The following PTPRD variants were observed in gnomAD, a reference collection of about 807,000 sequenced individuals.
PTPRD encodes receptor-type tyrosine-protein phosphatase delta.
Under a neutral mutation model 214.5 loss-of-function variants are expected in PTPRD, and 34 were observed. The observed-to-expected ratio is 0.16, with a 90% CI of 0.12 to 0.21. PTPRD has a LOEUF of 0.21. Ranked by LOEUF, PTPRD falls within the 10% of genes least tolerant of loss-of-function variation. The pLI is 1.00. For missense variants in PTPRD, 2,545 were observed against 2,398.7 expected, an observed-to-expected ratio of 1.06 and a Z score of -1.27; for synonymous variants, 1,128 against 845.7, an observed-to-expected ratio of 1.33 and a Z score of -5.79.
At chr9:9,448,099 G>C (rs1050152299) in intron 8 of PTPRD, among the ~76,000 whole-genome samples, 1 of 152,038 alleles carries the variant, frequency 6.6e-6, no homozygotes, top group Non-Finnish European at 1.5e-5. Context: ...AAGAAAGGAA[G>C]GGTATGAAGA....
intron 11 of PTPRD, among the ~76,000 whole-genome samples, chr9:8,980,891 A>G (rs1336873828): frequency 6.6e-6 from 1 of 152,104 alleles, no homozygotes; most frequent in Non-Finnish European, 1.5e-5. Flanking sequence ...CGGATAACAT[A>G]TGCATTTTTT....
At chr9:9,593,476 T>G (rs1180613101) in intron 7 of PTPRD, among the ~76,000 whole-genome samples, 3 of 151,978 alleles carry the variant, frequency 2.0e-5, no homozygotes, top group Non-Finnish European at 4.4e-5. Flanking sequence ...TTTTATAGCC[T>G]ATAGAAGACA....
rs2045567567 is a variant in PTPRD, at chr9:9,338,686, T to C, written c.-203+58763A>G. Among the ~76,000 whole-genome samples the C allele has an allele frequency of 2.6e-5, 4 of 152,286 alleles. No homozygotes were observed. The South Asian group carries it at 8.3e-4, about 32-fold the overall frequency. ...TCAATATTTGTTTTCAAAACTTCCT[T>C]TTTTCCAATTTCTTTTCTATTATAC... On this transcript the variant is annotated intron_variant, in intron 9 of 45. Coordinates refer to ENST00000381196, the MANE Select transcript of PTPRD (RefSeq NM_002839.4).
At chr9:9,645,141 C>G (rs530563696) in intron 7 of PTPRD, among the ~76,000 whole-genome samples, 1 of 152,226 alleles carries the variant, frequency 6.6e-6, no homozygotes, top group South Asian at 2.1e-4. Flanking sequence ...GGCTCCTGCA[C>G]CTGCTCACCT....
At chr9:8,951,330 T>TA (rs2099101061) in intron 11 of PTPRD, among the ~76,000 whole-genome samples, 1 of 150,258 alleles carries the variant, frequency 6.7e-6, no homozygotes, top group African/African-American at 2.5e-5. Context: ...CTTTTTTTTT[T>TA]TTTTTTTTCA....
At chr9:8,559,264 A>G (rs2085206058) in intron 14 of PTPRD, among the ~76,000 whole-genome samples, 1 of 152,208 alleles carries the variant, frequency 6.6e-6, no homozygotes, top group Non-Finnish European at 1.5e-5. Context: ...ATGAACTATA[A>G]TGGTCCCAAC....
chr9:8,656,972 A>G (rs940156152), intron 12 of PTPRD, among the ~76,000 whole-genome samples: 8 of 152,196 alleles, frequency 5.3e-5, no homozygotes, highest in Non-Finnish European at 1.2e-4. Flanking sequence ...TGTAAAGATG[A>G]AAGTTTATGA....
intron 3 of PTPRD, among the ~76,000 whole-genome samples, chr9:10,187,530 G>C (rs1175019923): frequency 6.6e-6 from 1 of 152,112 alleles, no homozygotes; most frequent in Non-Finnish European, 1.5e-5. Context: ...CTTTGAACTT[G>C]GCCTTTCGAA....
At chr9:9,265,412 C>T (rs73390815) in intron 9 of PTPRD, among the ~76,000 whole-genome samples, 2,558 of 151,578 alleles carry the variant, frequency 0.017, 70 homozygotes, top group African/African-American at 0.059. Context: ...TACCACCACA[C>T]CTAGCGTTTT....
chr9:9,997,504 G>C (rs1296676549), intron 4 of PTPRD, among the ~76,000 whole-genome samples: 1 of 152,066 alleles, frequency 6.6e-6, no homozygotes, highest in Non-Finnish European at 1.5e-5. Context: ...GGTCAGGCTG[G>C]TCTTGAACTC....
intron 2 of PTPRD, among the ~76,000 whole-genome samples, chr9:10,456,649 A>C (rs931753072): frequency 6.6e-6 from 1 of 151,900 alleles, no homozygotes; most frequent in Non-Finnish European, 1.5e-5. Flanking sequence ...AGACTCAGAC[A>C]CAGCAGATTT....
At chr9:9,339,391 C>T (rs1229659321) in intron 9 of PTPRD, among the ~76,000 whole-genome samples, 1 of 151,744 alleles carries the variant, frequency 6.6e-6, no homozygotes, top group African/African-American at 2.4e-5. Context: ...GAGGCTGAGG[C>T]AGGAGAATGG....
intron 6 of PTPRD, among the ~76,000 whole-genome samples, chr9:9,738,346 T>A (rs2098336993): frequency 6.6e-6 from 1 of 151,944 alleles, no homozygotes; most frequent in Non-Finnish European, 1.5e-5. Flanking sequence ...GTCTCCCTAA[T>A]GACTAATAAT....
intron 7 of PTPRD, among the ~76,000 whole-genome samples, chr9:9,721,553 A>C (rs889440308): frequency 1.3e-5 from 2 of 152,120 alleles, no homozygotes; most frequent in African/African-American, 4.8e-5. Context: ...AGACATGACA[A>C]GTTGATAGGA....
At chr9:9,410,515 T>C (rs915746819) in intron 8 of PTPRD, among the ~76,000 whole-genome samples, 1 of 152,062 alleles carries the variant, frequency 6.6e-6, no homozygotes, top group East Asian at 1.9e-4. Context: ...AATCCACACA[T>C]GTGATCCTTA....
intron 14 of PTPRD, among the ~76,000 whole-genome samples, chr9:8,571,480 T>C (rs551835169): frequency 2.2e-4 from 34 of 152,102 alleles, no homozygotes; most frequent in Non-Finnish European, 3.5e-4. Flanking sequence ...CCATGACAAT[T>C]TGGCTGATAA....
intron 11 of PTPRD, among the ~76,000 whole-genome samples, chr9:8,811,079 G>A (rs552802445): frequency 4.7e-4 from 71 of 152,176 alleles, no homozygotes; most frequent in Non-Finnish European, 8.4e-4. Flanking sequence ...GAGTGAAATC[G>A]AAGTTGACCA....
intron 3 of PTPRD, among the ~76,000 whole-genome samples, chr9:10,281,266 G>C (rs1449110321): frequency 6.6e-6 from 1 of 152,012 alleles, no homozygotes; most frequent in Non-Finnish European, 1.5e-5. Flanking sequence ...GGTTAGTTTA[G>C]ATGTTAACTC....
At chr9:10,016,464 G>A (rs1017034589) in intron 4 of PTPRD, among the ~76,000 whole-genome samples, 15 of 152,226 alleles carry the variant, frequency 9.9e-5, no homozygotes, top group African/African-American at 2.9e-4. Flanking sequence ...GATGGTGTCT[G>A]TAAATCATCA....
Sources: gnomAD v4.1 joint callset for allele counts (sites outside exome capture counted in the v4.1 genomes callset) on GRCh38, gnomAD v4.1.1 for gene constraint, MANE v1.5 for transcripts, NCBI Gene and HGNC (gene_info 2026-07-23, HGNC 2026-07-21) for gene names.